EIPR1: variants seen among roughly 807,000 people sequenced by gnomAD.
The protein encoded by EIPR1 is EARP complex and GARP complex interacting protein 1.
In EIPR1, 25 loss-of-function variants were observed where a neutral mutation model predicts 48.1. The observed-to-expected ratio is 0.52, with a 90% confidence interval of 0.38 to 0.73. The LOEUF (loss-of-function observed/expected upper bound fraction) is 0.73. Ranked by LOEUF, EIPR1 falls within the 30% of genes least tolerant of loss-of-function variation. The probability of loss-of-function intolerance (pLI) is 0.00; values close to 1 mark genes in which losing one functional copy is unlikely to be tolerated. For synonymous variants in EIPR1, 204 were observed against 201.9 expected, an observed-to-expected ratio of 1.01 and a Z score of -0.09; for missense variants, 415 against 506.2, an observed-to-expected ratio of 0.82 and a Z score of 1.73.
At chr2:3,253,401 A>C (rs1434377147) in intron 4 of EIPR1, among the ~76,000 whole-genome samples, 2 of 152,264 alleles carry the variant, frequency 1.3e-5, no homozygotes, top group East Asian at 3.9e-4. Flanking sequence ...GGCCGTGGTC[A>C]CTCATATTCA....
At chr2:3,247,605 G>A (rs1399840522) in intron 4 of EIPR1, among the ~76,000 whole-genome samples, 1 of 152,160 alleles carries the variant, frequency 6.6e-6, no homozygotes, top group Non-Finnish European at 1.5e-5. Flanking sequence ...ACATGAGCTG[G>A]GTAGGTGCAA....
intron 2 of EIPR1, among the ~76,000 whole-genome samples, chr2:3,353,662 G>T (rs1670645311): frequency 6.6e-6 from 1 of 152,038 alleles, no homozygotes; most frequent in South Asian, 2.1e-4. Flanking sequence ...TCCTAGGTTT[G>T]GGATACAGGA....
intron 4 of EIPR1, among the ~76,000 whole-genome samples, chr2:3,233,959 C>T (rs1666320958): frequency 1.3e-5 from 2 of 152,148 alleles, no homozygotes; most frequent in African/African-American, 2.4e-5. Flanking sequence ...TTTTGTGGGC[C>T]AGGTCAGGCT....
chr2:3,374,869 C>T (rs1659821284), intron 1 of EIPR1, among the ~76,000 whole-genome samples: 1 of 147,366 alleles, frequency 6.8e-6, no homozygotes, highest in South Asian at 2.3e-4. Context: ...ACCCAGCCAT[C>T]CCATTACTGG....
At chr2:3,220,978 ACT>A (rs1165507371) in intron 4 of EIPR1, among the ~76,000 whole-genome samples, 1 of 89,530 alleles carries the variant, frequency 1.1e-5, no homozygotes. Context: ...ACCATGGTAC[ACT>A]CTAGAACACT....
chr2:3,324,838 C>CG (rs1178653354), intron 3 of EIPR1, among the ~76,000 whole-genome samples: 2 of 152,048 alleles, frequency 1.3e-5, no homozygotes, highest in South Asian at 2.1e-4. Context: ...TCCAGCACCT[C>CG]GGGGGGAGGG....
In EIPR1 at chr2:3,244,856, C is replaced by T. The variant is rs1447397932; in HGVS notation, c.416+12443G>A. Among the ~76,000 whole-genome samples, 3 of 152,196 alleles carry T rather than the reference C, an allele frequency of 2.0e-5. No homozygotes were observed. The East Asian group carries it at 5.8e-4, about 29-fold the overall frequency. The stretch of plus-strand genomic sequence containing the variant: ...GGACACACCGATCTGCCTCTCTTTA[C>T]CTAAAACACCCATTTGCTTCATAAA... On this transcript the variant is annotated intron_variant, in intron 4 of 8. Transcript: ENST00000382125.
chr2:3,208,967 C>G lies in EIPR1; in HGVS notation c.516+5182G>C, dbSNP rs764251351. On this transcript the variant is annotated intron_variant, in intron 5 of 8. Transcript: ENST00000382125. ...GTTCAGATTCTTCCCTCTAATAGGA[C>G]AAGGGAAGAGCTCTCATATTATCAA... 1.2e-4 allele frequency: 182 copies of G among 1,483,120 alleles called. 1 individual carries two copies. The highest frequency in any genetic ancestry group is 1.1e-3 in the Middle Eastern group (6 of 5,690). The allele number at this position is 1,483,120 out of a possible 1,614,324, so 91.9% of individuals were successfully genotyped here. A position where few individuals can be genotyped will look rare whatever the true frequency, so the allele number is the denominator to read the frequency against.
intron 8 of EIPR1, among the ~76,000 whole-genome samples, chr2:3,191,734 G>A (rs1461596589): frequency 1.3e-5 from 2 of 152,204 alleles, no homozygotes; most frequent in African/African-American, 4.8e-5. Context: ...CAGGGGCCCT[G>A]GCACTGCACC....
chr2:3,370,883 G>C (rs901254399), intron 1 of EIPR1, among the ~76,000 whole-genome samples: 2 of 152,066 alleles, frequency 1.3e-5, no homozygotes, highest in African/African-American at 4.8e-5. Flanking sequence ...AGGAAATACA[G>C]AGAATGCCAC....
At chr2:3,200,186 C>T (rs114682936) in intron 5 of EIPR1, among the ~76,000 whole-genome samples, 1,670 of 152,072 alleles carry the variant, frequency 0.011, 30 homozygotes, top group African/African-American at 0.038. Context: ...TGGACCTGTC[C>T]GCTCCCTCCC....
intron 3 of EIPR1, among the ~76,000 whole-genome samples, chr2:3,298,905 G>C (rs1668678577): frequency 6.6e-6 from 1 of 152,098 alleles, no homozygotes; most frequent in Admixed American, 6.5e-5. Flanking sequence ...GCCTTCCAGG[G>C]GACATCGTCT....
chr2:3,350,116 T>TAAA (rs1670525889), intron 2 of EIPR1, among the ~76,000 whole-genome samples: 1 of 27,736 alleles, frequency 3.6e-5, no homozygotes, highest in Non-Finnish European at 6.4e-5. Flanking sequence ...AGACTCTGTC[T>TAAA]CAAAAAAAAA....
chr2:3,197,123 A>C (rs1664840068), intron 5 of EIPR1, 106 bp from the exon 6 acceptor site: 38 of 1,254,124 alleles, frequency 3.0e-5, no homozygotes, highest in Non-Finnish European at 4.1e-5. Context: ...ATTATTGAAA[A>C]TAATTACTGA....
At chr2:3,314,319 C>A (rs1012092083) in intron 3 of EIPR1, among the ~76,000 whole-genome samples, 3 of 152,170 alleles carry the variant, frequency 2.0e-5, no homozygotes, top group African/African-American at 7.2e-5. Context: ...GAGGCCAGGG[C>A]TTGCTCGAGC....
chr2:3,264,683 T>C (rs1319446587), intron 3 of EIPR1, among the ~76,000 whole-genome samples: 1 of 151,580 alleles, frequency 6.6e-6, no homozygotes, highest in Non-Finnish European at 1.5e-5. Flanking sequence ...ACCAATGCTG[T>C]TTTTGTTTGT....
At chr2:3,305,413 C>CATCTAGTTCA (rs1668909602) in intron 3 of EIPR1, among the ~76,000 whole-genome samples, 1 of 150,474 alleles carries the variant, frequency 6.6e-6, no homozygotes, top group South Asian at 2.1e-4. Flanking sequence ...CCTCCAATCC[C>CATCTAGTTCA]ATCTAGTTCA....
intron 4 of EIPR1, among the ~76,000 whole-genome samples, chr2:3,253,947 G>T (rs1558253204): frequency 6.6e-6 from 1 of 152,216 alleles, no homozygotes; most frequent in Non-Finnish European, 1.5e-5. Context: ...CATGGCAGGC[G>T]TGATGGCAGC....
chr2:3,286,350 T>C lies in EIPR1; in HGVS notation c.260-28895A>G, dbSNP rs946473064. On this transcript the variant is annotated intron_variant, in intron 3 of 8. Transcript: ENST00000382125. The surrounding 1 kb of genome is among the most constrained non-coding windows in gnomAD (Gnocchi z 4.2). ...CCTGTGTAAACGTGTGGCCGTGACA[T>C]GGCCTCCGTTCAGCTCCAGGTGTCA... Among the ~76,000 whole-genome samples, 4 of 152,168 alleles carry C rather than the reference T, an allele frequency of 2.6e-5. No homozygotes were observed. Among genetic ancestry groups the C allele is most frequent in the Admixed American group, 2.6e-4 (4 of 15,278 alleles).
Sources: gnomAD v4.1 joint callset for allele counts (sites outside exome capture counted in the v4.1 genomes callset) on GRCh38, gnomAD v4.1.1 for gene constraint, Gnocchi (gnomAD v3.1) non-coding constraint, MANE v1.5 for transcripts, NCBI Gene and HGNC (gene_info 2026-07-23, HGNC 2026-07-21) for gene names.